Variants in CYP27A1 observed in about 807,000 individuals in gnomAD.
The protein encoded by CYP27A1 is sterol 26-hydroxylase, mitochondrial.
Under a neutral mutation model 58.2 loss-of-function variants are expected in CYP27A1, and 46 were observed. The ratio of observed to expected loss-of-function variants is 0.79; its 90% CI spans 0.62 to 1.01. The LOEUF is 1.01. Ranked by LOEUF, CYP27A1 falls within the 50% of genes least tolerant of loss-of-function variation. The pLI is 0.00. For synonymous variants in CYP27A1, 274 were observed against 285.1 expected (o/e 0.96, Z 0.39); for missense variants, 704 against 687.0 (o/e 1.02, Z -0.28).
At chr2:218,792,886 T>C (rs1030855664) in intron 1 of CYP27A1, among the ~76,000 whole-genome samples, 2 of 152,206 alleles carry the variant, frequency 1.3e-5, no homozygotes, top group Admixed American at 1.3e-4. Context: ...TTTTGGATGC[T>C]TCAGGGAACC....
At chr2:218,785,682 C>A (rs1172936202) in intron 1 of CYP27A1, among the ~76,000 whole-genome samples, 1 of 152,086 alleles carries the variant, frequency 6.6e-6, no homozygotes, top group African/African-American at 2.4e-5. Context: ...CACCTGGTTT[C>A]AGTCCTTGTA....
rs755723759 is a variant in CYP27A1 at position 218,815,024 on chromosome 2, GT to G, written c.1591del (p.Cys531AlafsTer59). 9 of 1,614,116 alleles carry G rather than the reference GT, an allele frequency of 5.6e-6. 1 individual carries two copies. The East Asian group carries it at 2.0e-4, about 36-fold the overall frequency. On this transcript the variant is annotated frameshift_variant, in exon 9 of 9. Transcript: ENST00000258415. LOFTEE classifies it high-confidence loss of function. ...KVGLQFLQRQ[C>X] ...TGGGCCTGCAGTTCCTGCAGAGACA[GT>G]GCTGAGCTGAGTCTCCGCCTTGCTG...
intron 1 of CYP27A1, among the ~76,000 whole-genome samples, chr2:218,801,905 T>G (rs1221983382): frequency 6.6e-6 from 1 of 151,372 alleles, no homozygotes; most frequent in African/African-American, 2.4e-5. Context: ...AGGGGTCACA[T>G]GAGGAGCAGG....
chr2:218,812,410 T>C lies in CYP27A1; in HGVS notation c.635T>C (p.Phe212Ser), dbSNP rs1481779383. Reference protein sequence around the residue: ...VSDMAQLFYYFALEAICYILF... With the variant: ...VSDMAQLFYYSALEAICYILF... ...GACATGGCTCAACTCTTCTACTACTTTGCCTTGGAAGGTACCCTTGCTGGG... is the reference window on the plus strand; with the variant it reads ...GACATGGCTCAACTCTTCTACTACTCTGCCTTGGAAGGTACCCTTGCTGGG... The change falls in exon 3 of 9, where the codon TTT (phenylalanine) becomes TCT (serine). Residue 212 changes from phenylalanine to serine, a missense_variant. Phe to Ser is a radical substitution (Grantham distance 155). Coordinates refer to ENST00000258415, the MANE Select transcript of CYP27A1 (RefSeq NM_000784.4). 7.4e-6 allele frequency: 12 copies of C among 1,614,054 alleles called. No individual in the cohort carries two copies. Among genetic ancestry groups the C allele is most frequent in the Non-Finnish European group, 1.0e-5 (12 of 1,180,030 alleles).
chr2:218,812,429 T>C lies in CYP27A1; in HGVS notation c.646+8T>C. On this transcript the variant is annotated splice_region_variant and intron_variant, in intron 3 of 8. Transcript: ENST00000258415. Reference sequence around the variant, plus strand: ...ACTACTTTGCCTTGGAAGGTACCCTTGCTGGGAGAGGGGCTGGGGAAGGGA... The same window carrying C: ...ACTACTTTGCCTTGGAAGGTACCCTCGCTGGGAGAGGGGCTGGGGAAGGGA... 1 of 1,614,126 alleles carries C rather than the reference T, an allele frequency of 6.2e-7. No homozygotes were observed. Among genetic ancestry groups the C allele is most frequent in the Non-Finnish European group, 8.5e-7 (1 of 1,179,974 alleles).
At chr2:218,789,951 T>C (rs928855560) in intron 1 of CYP27A1, among the ~76,000 whole-genome samples, 19 of 152,220 alleles carry the variant, frequency 1.2e-4, no homozygotes, top group Admixed American at 8.5e-4. Flanking sequence ...ACTTAGTCTG[T>C]TCTAGGATCT....
At chr2:218,788,334 A>G (rs1474006992) in intron 1 of CYP27A1, among the ~76,000 whole-genome samples, 2 of 152,216 alleles carry the variant, frequency 1.3e-5, no homozygotes, top group African/African-American at 2.4e-5. Context: ...CCCAGAGTGA[A>G]TGTTCCAAGA....
At chr2:218,813,257 C>T (rs1041996601) in intron 5 of CYP27A1, among the ~76,000 whole-genome samples, 161 bp downstream of exon 5, 13 of 152,182 alleles carry the variant, frequency 8.5e-5, no homozygotes, top group Non-Finnish European at 1.8e-4. Flanking sequence ...GCTTGCTCAG[C>T]TTAGCCGAGG....
chr2:218,811,452 C>G (rs143592529), intron 2 of CYP27A1, among the ~76,000 whole-genome samples: 31 of 152,348 alleles, frequency 2.0e-4, no homozygotes, highest in South Asian at 1.4e-3. Context: ...GTTTGAGGAA[C>G]AGCTGGGAGT....
intron 1 of CYP27A1, among the ~76,000 whole-genome samples, chr2:218,787,896 T>A (rs1326909807): frequency 1.3e-5 from 2 of 152,210 alleles, no homozygotes; most frequent in Non-Finnish European, 2.9e-5. Flanking sequence ...ATCATAATAC[T>A]CCATTGCACT....
chr2:218,800,109 G>A (rs898111098), intron 1 of CYP27A1, among the ~76,000 whole-genome samples: 8 of 152,188 alleles, frequency 5.3e-5, no homozygotes, highest in East Asian at 1.9e-4. Flanking sequence ...TATGTTCTGC[G>A]ACTCTTTTCT....
In CYP27A1 at chr2:218,815,026, G is replaced by C; in HGVS notation, c.1592G>C (p.Cys531Ser). The change falls in exon 9 of 9, where the codon TGC becomes TCC. Residue 531 changes from cysteine (C) to serine (S), a missense_variant. Transcript: ENST00000258415. ...KVGLQFLQRQ[C>S] ...GGCCTGCAGTTCCTGCAGAGACAGT[G>C]CTGAGCTGAGTCTCCGCCTTGCTGG... 1 of 1,614,218 alleles carries C rather than the reference G, an allele frequency of 6.2e-7. No homozygotes were observed.
At chr2:218,793,658 C>A (rs1943517669) in intron 1 of CYP27A1, among the ~76,000 whole-genome samples, 2 of 151,606 alleles carry the variant, frequency 1.3e-5, no homozygotes, top group Non-Finnish European at 2.9e-5. Flanking sequence ...AATTTGTCAT[C>A]TTTTAAACCA....
chr2:218,796,781 A>G (rs1007722446), intron 1 of CYP27A1, among the ~76,000 whole-genome samples: 2 of 152,236 alleles, frequency 1.3e-5, no homozygotes, highest in African/African-American at 4.8e-5. Flanking sequence ...GATCAGCAGT[A>G]TTACAAGCAA....
chr2:218,794,029 T>G (rs989975968), intron 1 of CYP27A1, among the ~76,000 whole-genome samples: 2 of 152,020 alleles, frequency 1.3e-5, no homozygotes, highest in Non-Finnish European at 2.9e-5. Context: ...AAAAATGGAA[T>G]TTATTGGGTG....
At chr2:218,783,937 G>C (rs1242221192) in intron 1 of CYP27A1, among the ~76,000 whole-genome samples, 1 of 152,178 alleles carries the variant, frequency 6.6e-6, no homozygotes, top group Non-Finnish European at 1.5e-5. Context: ...GTGAGCTCTT[G>C]AGCAAGCATG....
Position 218,812,592 on chromosome 2 carries a change from G to T in CYP27A1, c.687G>T (p.Leu229=), listed in dbSNP as rs1943732593. The T allele has an allele frequency of 6.2e-7, 1 of 1,614,090 alleles. No individual in the cohort carries two copies. The highest frequency in any genetic ancestry group is 8.5e-7 in the Non-Finnish European group (1 of 1,180,050). ...TGTTCGAGAAACGCATTGGCTGCCT[G>T]CAGCGATCCATCCCCGAGGACACCG... ...YILFEKRIGC[L]QRSIPEDTVT... is the part of the protein sequence containing the mutation. Residue 229 remains leucine (L), a synonymous_variant, in exon 4 of 9, where the codon CTG becomes CTT. Transcript: ENST00000258415.
At chr2:218,784,183 T>C (rs1056392512) in intron 1 of CYP27A1, among the ~76,000 whole-genome samples, 5 of 152,170 alleles carry the variant, frequency 3.3e-5, no homozygotes, top group Admixed American at 3.3e-4. Context: ...TGCCCTGTCC[T>C]GGTGGCTGCT....
At position 218,812,846 on chromosome 2, in the gene CYP27A1, A is replaced by G; in HGVS notation, c.845-78A>G. 3 of 1,606,538 alleles carry G rather than the reference A, an allele frequency of 1.9e-6. No homozygotes were observed. The East Asian group carries it at 6.7e-5, about 36-fold the overall frequency. ...CCCAGGCCTTTTCCCTCATGCTACC[A>G]GTTGTCGGAGTGGCTCTTGGTCCTT... On this transcript the variant is annotated intron_variant, in intron 4 of 8. Coordinates refer to ENST00000258415, the MANE Select transcript of CYP27A1 (RefSeq NM_000784.4).
Sources: gnomAD v4.1 joint callset for allele counts (sites outside exome capture counted in the v4.1 genomes callset) on GRCh38, gnomAD v4.1.1 for gene constraint, MANE v1.5 for transcripts, NCBI Gene and HGNC (gene_info 2026-07-23, HGNC 2026-07-21) for gene names.